KCNIP4: variants seen among roughly 807,000 people sequenced by gnomAD.
KCNIP4 encodes the protein Kv channel-interacting protein 4.
Under a neutral mutation model 34.0 loss-of-function variants are expected in KCNIP4, and 12 were observed. The observed-to-expected ratio is 0.35, with a 90% CI of 0.23 to 0.57. The LOEUF is 0.57. KCNIP4 is among the 20% of genes least tolerant of loss of function. The pLI, the probability that KCNIP4 is intolerant of heterozygous loss-of-function variation, is 0.83. For synonymous variants in KCNIP4, 124 were observed against 102.2 expected, an observed-to-expected ratio of 1.21 and a Z score of -1.29; for missense variants, 238 against 311.7, an observed-to-expected ratio of 0.76 and a Z score of 1.78.
At chr4:21,231,516 A>G (rs1310318796) in intron 1 of KCNIP4, among the ~76,000 whole-genome samples, 1 of 152,146 alleles carries the variant, frequency 6.6e-6, no homozygotes, top group Non-Finnish European at 1.5e-5. Flanking sequence ...TTTTTATTAA[A>G]ATACATTGTA....
chr4:21,310,317 T>A (rs141663803), intron 1 of KCNIP4, among the ~76,000 whole-genome samples: 1 of 152,084 alleles, frequency 6.6e-6, no homozygotes, highest in East Asian at 1.9e-4. Flanking sequence ...ACTACAGGTG[T>A]AAGCCACCAC....
chr4:21,252,756 CTTTT>C (rs5856614), intron 1 of KCNIP4, among the ~76,000 whole-genome samples: 5 of 132,258 alleles, frequency 3.8e-5, no homozygotes, highest in Admixed American at 7.6e-5. Flanking sequence ...GGCAAATCCT[CTTTT>C]TTTTTTTTTT....
chr4:21,071,631 A>T (rs1744933413), intron 1 of KCNIP4, among the ~76,000 whole-genome samples: 1 of 151,780 alleles, frequency 6.6e-6, no homozygotes, highest in East Asian at 1.9e-4. Flanking sequence ...GATTTTATTT[A>T]TTTTTTTATC....
chr4:21,315,350 G>GTC (rs1713620939), intron 1 of KCNIP4: 1 of 152,762 alleles, frequency 6.5e-6, no homozygotes, highest in Non-Finnish European at 1.5e-5. Context: ...GGTAAGCATA[G>GTC]TCTCTCTTCT....
chr4:20,822,353 A>G (rs1307949452), intron 3 of KCNIP4, among the ~76,000 whole-genome samples: 1 of 152,220 alleles, frequency 6.6e-6, no homozygotes, highest in East Asian at 1.9e-4. Flanking sequence ...GGAAATGCAG[A>G]CTAAAACCAC....
intron 1 of KCNIP4, among the ~76,000 whole-genome samples, chr4:21,778,442 C>T (rs1294623614): frequency 4.0e-5 from 6 of 151,562 alleles, no homozygotes. Context: ...ATCATGTTAC[C>T]CAGGCTGGTC....
intron 1 of KCNIP4, among the ~76,000 whole-genome samples, chr4:21,423,008 A>G (rs917388853): frequency 7.2e-5 from 11 of 152,182 alleles, no homozygotes; most frequent in Non-Finnish European, 5.9e-5. Context: ...AGAAAAAACA[A>G]TTATGCCCAA....
chr4:21,574,321 G>A (rs985315781), intron 1 of KCNIP4, among the ~76,000 whole-genome samples: 11 of 151,956 alleles, frequency 7.2e-5, no homozygotes, highest in African/African-American at 1.4e-4. Context: ...TGAAACTGGC[G>A]TTTTTCTTTT....
chr4:21,502,723 T>A (rs534003299), intron 1 of KCNIP4, among the ~76,000 whole-genome samples: 16 of 152,154 alleles, frequency 1.1e-4, no homozygotes, highest in African/African-American at 3.4e-4. Context: ...AATAAGGGAA[T>A]CTTATTAAAA....
chr4:21,666,945 A>T (rs1243900131), intron 1 of KCNIP4, among the ~76,000 whole-genome samples: 2 of 152,236 alleles, frequency 1.3e-5, no homozygotes, highest in Non-Finnish European at 2.9e-5. Context: ...AAAGAAGCAT[A>T]GCAAGAAGTA....
At chr4:21,575,922 T>G (rs1039808653) in intron 1 of KCNIP4, among the ~76,000 whole-genome samples, 5 of 152,146 alleles carry the variant, frequency 3.3e-5, no homozygotes, top group African/African-American at 1.2e-4. Flanking sequence ...AATCCCATAT[T>G]AAAGATGATA....
At chr4:20,864,057 C>T (rs1577274441) in intron 2 of KCNIP4, among the ~76,000 whole-genome samples, 3 of 126,392 alleles carry the variant, frequency 2.4e-5, no homozygotes, top group African/African-American at 1.0e-4. Context: ...TGTATGTATA[C>T]ACATGTATGT....
At chr4:21,232,146 A>C (rs1758837092) in intron 1 of KCNIP4, among the ~76,000 whole-genome samples, 2 of 152,084 alleles carry the variant, frequency 1.3e-5, no homozygotes, top group Admixed American at 6.6e-5. Flanking sequence ...TTGGAGACAA[A>C]TGTTTTTGTT....
chr4:21,654,081 A>T (rs895639085), intron 1 of KCNIP4, among the ~76,000 whole-genome samples: 9 of 152,208 alleles, frequency 5.9e-5, no homozygotes, highest in Non-Finnish European at 1.0e-4. Context: ...TACAACAAAG[A>T]ATAGATAGCT....
intron 1 of KCNIP4, among the ~76,000 whole-genome samples, chr4:21,653,494 C>T (rs1019140608): frequency 2.6e-5 from 4 of 152,094 alleles, no homozygotes; most frequent in Non-Finnish European, 5.9e-5. Context: ...TGTACATAAT[C>T]GTGGGTATAC....
intron 1 of KCNIP4, among the ~76,000 whole-genome samples, chr4:21,221,917 T>G (rs1359688605): frequency 6.6e-6 from 1 of 152,222 alleles, no homozygotes; most frequent in Non-Finnish European, 1.5e-5. Flanking sequence ...CTGTTCCTGT[T>G]CTTTTTTATT....
Position 20,810,461 on chromosome 4 carries a change from G to A in KCNIP4, c.288+40082C>T, listed in dbSNP as rs556220476. ...AGAGTACAGGGCAGGGGGGAGGAAG[G>A]GGGGAGAGAGAGAGAGAGACAGAGA... On this transcript the variant is annotated intron_variant, in intron 3 of 8. Coordinates refer to ENST00000382152, the MANE Select transcript of KCNIP4 (RefSeq NM_025221.6). Among the ~76,000 whole-genome samples the A allele has an allele frequency of 1.4e-3, 145 of 107,304 alleles. 1 individual carries two copies. The Middle Eastern group carries it at 0.014, about 10-fold the overall frequency. 70.4% of individuals were successfully genotyped at this position (107,304 alleles called of 152,430 possible). A position where few individuals can be genotyped will look rare whatever the true frequency, so the allele number is the denominator to read the frequency against.
At chr4:21,423,808 ATT>A (rs58053047) in intron 1 of KCNIP4, among the ~76,000 whole-genome samples, 1,854 of 141,340 alleles carry the variant, frequency 0.013, 37 homozygotes, top group African/African-American at 0.043. Context: ...ACTTATGAGA[ATT>A]TTTTTTTTTT....
chr4:21,174,475 T>C (rs1754249548), intron 1 of KCNIP4, among the ~76,000 whole-genome samples: 1 of 152,230 alleles, frequency 6.6e-6, no homozygotes, highest in Admixed American at 6.5e-5. Context: ...ACATTTATTA[T>C]GGACTTGTTA....
Sources: allele counts gnomAD v4.1 joint callset (sites outside exome capture counted in the v4.1 genomes callset), GRCh38; gene constraint gnomAD v4.1.1; transcripts MANE v1.5; gene names NCBI Gene and HGNC (gene_info 2026-07-23, HGNC 2026-07-21).